The following MBD5 variants were observed in gnomAD, a reference collection of about 807,000 sequenced individuals.
MBD5 encodes methyl-CpG binding domain protein 5.
A neutral mutation model predicts 117.3 loss-of-function variants in MBD5; 13 were observed. The observed-to-expected ratio is 0.11, with a 90% CI of 0.07 to 0.18. The LOEUF (loss-of-function observed/expected upper bound fraction) is 0.18. Among genes scored for constraint, MBD5 ranks in the 10% least tolerant of loss-of-function variants. The pLI is 1.00. For missense variants in MBD5, 1,879 were observed against 2,093.8 expected (o/e 0.90, Z 2.00); for synonymous variants, 727 against 766.4 (o/e 0.95, Z 0.85).
In MBD5 at chr2:148,228,532, T is replaced by C. The variant is rs539605842; in HGVS notation, c.-830-4713T>C. On this transcript the variant is annotated intron_variant, in intron 2 of 13. Coordinates refer to ENST00000642680, the MANE Select transcript of MBD5 (RefSeq NM_001378120.1). ...GTTTGCCAGTATTTTATTGAGGATT[T>C]TTGCATCAATGTTCATCAATGATAT... Among the ~76,000 whole-genome samples the C allele has an allele frequency of 4.8e-3, 729 of 152,314 alleles. 5 individuals carry two copies. The highest frequency in any genetic ancestry group is 8.3e-3 in the Non-Finnish European group (562 of 68,028).
At chr2:148,200,666 C>T (rs1363599824) in intron 2 of MBD5, among the ~76,000 whole-genome samples, 1 of 147,156 alleles carries the variant, frequency 6.8e-6, no homozygotes, top group Non-Finnish European at 1.5e-5. Flanking sequence ...TCGCTCCAGC[C>T]TGGGTGACAG....
chr2:148,296,109 A>C (rs1701639252), intron 3 of MBD5: 1 of 188,032 alleles, frequency 5.3e-6, no homozygotes, highest in East Asian at 1.8e-4. Flanking sequence ...CAAGTAATAC[A>C]TCTGGTTTCA....
At chr2:148,335,355 T>G (rs771832253) in intron 3 of MBD5, among the ~76,000 whole-genome samples, 4 of 152,120 alleles carry the variant, frequency 2.6e-5, no homozygotes, top group Non-Finnish European at 5.9e-5. Context: ...CACTCCAGCC[T>G]AGGCAACAGA....
At chr2:148,508,051 G>A (rs1157031596) in intron 12 of MBD5, among the ~76,000 whole-genome samples, 1 of 152,168 alleles carries the variant, frequency 6.6e-6, no homozygotes, top group Non-Finnish European at 1.5e-5. Flanking sequence ...TACACACAGT[G>A]CGATATTGTC....
intron 4 of MBD5, among the ~76,000 whole-genome samples, chr2:148,365,942 A>G (rs1353488796): frequency 6.6e-6 from 1 of 152,092 alleles, no homozygotes; most frequent in Non-Finnish European, 1.5e-5. Flanking sequence ...TTCCAAACAA[A>G]AGAAAAAGAG....
chr2:148,191,155 A>C (rs1191484966), intron 2 of MBD5, among the ~76,000 whole-genome samples: 1 of 33,760 alleles, frequency 3.0e-5, no homozygotes. Flanking sequence ...CACATTAATA[A>C]TGGGAGACTT....
chr2:148,059,826 A>G (rs1396819008), intron 1 of MBD5, among the ~76,000 whole-genome samples: 1 of 151,308 alleles, frequency 6.6e-6, no homozygotes, highest in Non-Finnish European at 1.5e-5. Context: ...AGCCTGGGAG[A>G]CAGAGCGAGA....
intron 4 of MBD5, among the ~76,000 whole-genome samples, chr2:148,450,530 G>A (rs891354385): frequency 1.3e-5 from 2 of 152,172 alleles, no homozygotes; most frequent in Non-Finnish European, 1.5e-5. Flanking sequence ...TAGGGCCTCA[G>A]CTGGACTGGC....
intron 11 of MBD5, 42 bp from the exon 12 acceptor site, chr2:148,502,394 C>G: frequency 1.9e-6 from 3 of 1,576,882 alleles, no homozygotes; most frequent in Non-Finnish European, 1.7e-6. Context: ...TTAACAATTA[C>G]AGGTCTGGGT....
At chr2:148,098,253 T>C (rs1696117760) in intron 1 of MBD5, among the ~76,000 whole-genome samples, 1 of 151,990 alleles carries the variant, frequency 6.6e-6, no homozygotes, top group African/African-American at 2.4e-5. Context: ...AACAGATAGA[T>C]TGGAGAGGTA....
intron 1 of MBD5, among the ~76,000 whole-genome samples, chr2:148,081,069 A>G (rs1695636673): frequency 6.6e-6 from 1 of 152,218 alleles, no homozygotes; most frequent in Non-Finnish European, 1.5e-5. Context: ...CCAAAAGACT[A>G]TATTTTCTAT....
chr2:148,097,933 A>T (rs1696110059), intron 1 of MBD5, among the ~76,000 whole-genome samples: 5 of 152,182 alleles, frequency 3.3e-5, no homozygotes, highest in Admixed American at 2.6e-4. Context: ...AACGTTTAAA[A>T]CTTGAACATT....
chr2:148,123,376 G>A (rs930187335), intron 1 of MBD5, among the ~76,000 whole-genome samples: 1 of 152,100 alleles, frequency 6.6e-6, no homozygotes, highest in African/African-American at 2.4e-5. Context: ...TGAAAGATGG[G>A]GAAATGTTAG....
At chr2:148,135,819 GA>G (rs1361249185) in intron 1 of MBD5, among the ~76,000 whole-genome samples, 1 of 152,076 alleles carries the variant, frequency 6.6e-6, no homozygotes, top group Non-Finnish European at 1.5e-5. Context: ...TGTCTGTTTG[GA>G]AGTCTTCCAC....
chr2:148,312,501 A>G (rs1004093316), intron 3 of MBD5, among the ~76,000 whole-genome samples: 4 of 152,312 alleles, frequency 2.6e-5, no homozygotes, highest in Middle Eastern at 6.8e-3. Flanking sequence ...CAGCTCCATC[A>G]GGTCATTAGT....
chr2:148,516,023 T>C lies in MBD5; in HGVS notation c.*3082T>C, dbSNP rs1007118405. 6.6e-6 allele frequency: 1 copy of C among 152,206 alleles called. No homozygotes were observed. The highest frequency in any genetic ancestry group is 2.4e-5 in the African/African-American group (1 of 41,450). The allele number at this position is 152,206 out of a possible 1,614,324, so 9.4% of individuals were successfully genotyped here. A position where few individuals can be genotyped will look rare whatever the true frequency, so the allele number is the denominator to read the frequency against. On this transcript the variant is annotated 3_prime_UTR_variant, in exon 14 of 14. Transcript: ENST00000642680. Reference sequence around the variant, plus strand: ...TCATGGGCCACTTTTAGTCTTTTATTTGGACCCTGACTTTGAGTTTTTGCT... The same window carrying C: ...TCATGGGCCACTTTTAGTCTTTTATCTGGACCCTGACTTTGAGTTTTTGCT...
chr2:148,320,666 AT>A (rs1223424851), intron 3 of MBD5, among the ~76,000 whole-genome samples: 2 of 151,986 alleles, frequency 1.3e-5, no homozygotes, highest in South Asian at 2.1e-4. Context: ...CTGTTGGGAC[AT>A]TTTTTTATTT....
chr2:148,285,822 G>A (rs1201791241), intron 3 of MBD5, among the ~76,000 whole-genome samples: 1 of 152,080 alleles, frequency 6.6e-6, no homozygotes. Flanking sequence ...GCCTCCCAAA[G>A]TGCCGGGATT....
intron 2 of MBD5, among the ~76,000 whole-genome samples, chr2:148,187,666 C>T (rs1698698869): frequency 6.6e-6 from 1 of 151,630 alleles, no homozygotes; most frequent in South Asian, 2.1e-4. Context: ...AAGATGAAGA[C>T]TTATAAACCT....
Sources: allele counts gnomAD v4.1 joint callset (sites outside exome capture counted in the v4.1 genomes callset), GRCh38; gene constraint gnomAD v4.1.1; transcripts MANE v1.5; gene names NCBI Gene and HGNC (gene_info 2026-07-23, HGNC 2026-07-21).